Variants in SLC37A3 observed in about 807,000 individuals in gnomAD.
SLC37A3 encodes the protein solute carrier family 37 member 3.
A neutral mutation model predicts 67.1 loss-of-function variants in SLC37A3; 51 were observed. That is an observed-to-expected ratio of 0.76 (90% CI 0.61 to 0.96). The LOEUF is 0.96. Ranked by LOEUF, SLC37A3 falls within the 40% of genes least tolerant of loss-of-function variation. The pLI is 0.00. For synonymous variants in SLC37A3, 214 were observed against 231.4 expected (o/e 0.92, Z 0.68); for missense variants, 508 against 603.0 (o/e 0.84, Z 1.65).
At chr7:140,381,515 A>AT (rs1798252860) in intron 2 of SLC37A3, among the ~76,000 whole-genome samples, 1 of 151,714 alleles carries the variant, frequency 6.6e-6, no homozygotes, top group Non-Finnish European at 1.5e-5. Flanking sequence ...ACAGGGTGAG[A>AT]TCCCATCTCA....
intron 12 of SLC37A3, 103 bp from the exon 13 acceptor site, chr7:140,343,666 G>T: frequency 7.9e-7 from 1 of 1,262,808 alleles, no homozygotes; most frequent in Non-Finnish European, 1.1e-6. Flanking sequence ...ATATGTTGGA[G>T]AGAAGTGGAA....
chr7:140,395,227 T>C (rs1304750236), intron 1 of SLC37A3, among the ~76,000 whole-genome samples: 5 of 149,552 alleles, frequency 3.3e-5, no homozygotes, highest in Admixed American at 6.7e-5. Flanking sequence ...AATATAAAAA[T>C]TAGCCAGGTG....
rs1798301642 is a variant in SLC37A3, at chr7:140,382,601, A to G, written c.-70-5T>C. 8 of 1,318,232 alleles carry G rather than the reference A, an allele frequency of 6.1e-6. No individual in the cohort carries two copies. In the East Asian group the frequency reaches 1.8e-4, roughly 30 times the overall value. 81.7% of individuals were successfully genotyped at this position (1,318,232 alleles called of 1,614,324 possible). ...GATTTACATCATTTCTTCCTTCTGG[A>G]AAGACAAAACACATTATGGACATTA... On this transcript the variant is annotated splice_region_variant and splice_polypyrimidine_tract_variant and intron_variant, in intron 1 of 14. Transcript: ENST00000326232.
In SLC37A3 at chr7:140,355,635, G is replaced by A. The variant is rs376942116; in HGVS notation, c.618+33C>T. ...ATACACATGTGCACACAGAGAGAGA[G>A]AGAGAGCACCAGAGCTAGAAAACAA... is the stretch of plus-strand genomic sequence containing the variant. On this transcript the variant is annotated intron_variant, in intron 7 of 14. Transcript: ENST00000326232. 4 of 1,561,418 alleles carry A rather than the reference G, an allele frequency of 2.6e-6. No individual in the cohort carries two copies. In the African/African-American group the frequency reaches 5.4e-5, roughly 21 times the overall value.
At chr7:140,393,055 G>A (rs1326319190) in intron 1 of SLC37A3, among the ~76,000 whole-genome samples, 2 of 151,958 alleles carry the variant, frequency 1.3e-5, no homozygotes, top group Admixed American at 1.3e-4. Flanking sequence ...TCGCGCCACT[G>A]TACTCCAGCC....
At chr7:140,373,499 T>C (rs1191296547) in intron 3 of SLC37A3, among the ~76,000 whole-genome samples, 3 of 152,178 alleles carry the variant, frequency 2.0e-5, no homozygotes, top group African/African-American at 7.2e-5. Flanking sequence ...CAGTTTCAGA[T>C]TCCATCACTG....
At chr7:140,341,770 T>G (rs1038826040) in intron 13 of SLC37A3, among the ~76,000 whole-genome samples, 1 of 152,190 alleles carries the variant, frequency 6.6e-6, no homozygotes, top group Non-Finnish European at 1.5e-5. Flanking sequence ...CTCATTATAA[T>G]GCACCCATTT....
intron 4 of SLC37A3, among the ~76,000 whole-genome samples, chr7:140,366,481 T>TA (rs36052451): frequency 0.37 from 54,446 of 148,594 alleles, 11,017 homozygotes; most frequent in Non-Finnish European, 0.46. Flanking sequence ...CAGCTCAAGA[T>TA]AAAAAAAAAA....
intron 4 of SLC37A3, among the ~76,000 whole-genome samples, chr7:140,365,486 C>T (rs1797560880): frequency 6.6e-6 from 1 of 151,888 alleles, no homozygotes; most frequent in Non-Finnish European, 1.5e-5. Context: ...TTTGGGAGGC[C>T]AAGGCAGGTG....
chr7:140,337,256 T>C, intron 14 of SLC37A3, 28 bp downstream of exon 14: 1 of 1,525,452 alleles, frequency 6.6e-7, no homozygotes, highest in Admixed American at 2.3e-5. Flanking sequence ...AAAATGACTT[T>C]TTTTTTTTTA....
chr7:140,341,987 T>C (rs1229566099), intron 13 of SLC37A3, among the ~76,000 whole-genome samples: 2 of 152,202 alleles, frequency 1.3e-5, no homozygotes, highest in Middle Eastern at 3.2e-3. Context: ...TGGGGTTTTT[T>C]GCCCTTTAGT....
At chr7:140,358,827 T>C in intron 5 of SLC37A3, 42 bp from the exon 6 acceptor site, 2 of 1,611,700 alleles carry the variant, frequency 1.2e-6, no homozygotes, top group Non-Finnish European at 8.5e-7. Context: ...ACAGCCACAC[T>C]GACACTTTCA....
chr7:140,372,450 A>G (rs892154755), intron 3 of SLC37A3, among the ~76,000 whole-genome samples: 1 of 152,356 alleles, frequency 6.6e-6, no homozygotes, highest in East Asian at 1.9e-4. Flanking sequence ...ATGCAAGAGC[A>G]GTGGAGAGAA....
chr7:140,377,834 C>T (rs549413706), intron 3 of SLC37A3, among the ~76,000 whole-genome samples: 7 of 152,014 alleles, frequency 4.6e-5, no homozygotes, highest in South Asian at 4.2e-4. Context: ...AGTTCAAGTA[C>T]GGCCTGGGCA....
At chr7:140,373,020 C>G (rs552608054) in intron 3 of SLC37A3, among the ~76,000 whole-genome samples, 2 of 152,262 alleles carry the variant, frequency 1.3e-5, no homozygotes, top group Admixed American at 1.3e-4. Context: ...GGCGCGATCT[C>G]GGCTCACTGC....
chr7:140,347,396 G>C (rs564344775), intron 10 of SLC37A3, among the ~76,000 whole-genome samples: 1 of 152,190 alleles, frequency 6.6e-6, no homozygotes, highest in African/African-American at 2.4e-5. Context: ...ACCATTCTGA[G>C]TTGTAGGGGC....
At chr7:140,389,642 G>A (rs1043565773) in intron 1 of SLC37A3, among the ~76,000 whole-genome samples, 7 of 152,186 alleles carry the variant, frequency 4.6e-5, no homozygotes, top group Non-Finnish European at 8.8e-5. Flanking sequence ...CTAGGCAGCA[G>A]GCAAGGTGAA....
At chr7:140,348,452 CTT>C in intron 10 of SLC37A3, 172 bp downstream of exon 10, 53 of 637,516 alleles carry the variant, frequency 8.3e-5, no homozygotes, top group Non-Finnish European at 8.9e-5. Context: ...TTTTTCTTTT[CTT>C]TTCTTTTCTT....
chr7:140,348,566 C>A, intron 10 of SLC37A3, 60 bp downstream of exon 10: 1 of 1,530,780 alleles, frequency 6.5e-7, no homozygotes, highest in Non-Finnish European at 8.7e-7. Flanking sequence ...ATTTCACAAC[C>A]CAGTAAAAGA....
Sources: gnomAD v4.1 joint callset for allele counts (sites outside exome capture counted in the v4.1 genomes callset) on GRCh38, gnomAD v4.1.1 for gene constraint, MANE v1.5 for transcripts, NCBI Gene and HGNC (gene_info 2026-07-23, HGNC 2026-07-21) for gene names.